Variants in STAB1 observed in about 807,000 individuals in gnomAD.
The protein encoded by STAB1 is stabilin 1, also known as stabilin-1.
A neutral mutation model predicts 332.4 loss-of-function variants in STAB1; 250 were observed. The observed-to-expected ratio is 0.75, with a 90% confidence interval of 0.68 to 0.84. The LOEUF (loss-of-function observed/expected upper bound fraction) is 0.84, where lower values mean the gene tolerates loss of function less well. Among genes scored for constraint, STAB1 ranks in the 40% least tolerant of loss-of-function variants. STAB1 has a pLI of 0.00. For synonymous variants in STAB1, 1,475 were observed against 1,390.4 expected (o/e 1.06, Z -1.35); for missense variants, 3,249 against 3,489.7 (o/e 0.93, Z 1.74).
intron 33 of STAB1, 55 bp downstream of exon 33, chr3:52,514,268 C>A (rs1316194932): frequency 6.2e-7 from 1 of 1,602,576 alleles, no homozygotes; most frequent in Non-Finnish European, 8.5e-7. Flanking sequence ...AGAGGGCGAG[C>A]CTCCAATCCC....
chr3:52,509,771 C>A, intron 22 of STAB1, 99 bp from the exon 23 acceptor site: 1 of 1,333,496 alleles, frequency 7.5e-7, no homozygotes, highest in Non-Finnish European at 1.1e-6. Context: ...CAAATCTGTA[C>A]TGGCTGCCCC....
rs148108978 is a variant in STAB1, at chr3:52,519,534, C to T, written c.5205C>T (p.Phe1735=). 176 of 1,613,352 alleles carry T rather than the reference C, an allele frequency of 1.1e-4. No individual in the cohort carries two copies. The African/African-American group carries it at 2.1e-3, about 19-fold the overall frequency. The change falls in exon 50 of 69, where the codon TTC becomes TTT. Residue 1735 remains phenylalanine (F), a synonymous_variant. Coordinates refer to ENST00000321725, the MANE Select transcript of STAB1 (RefSeq NM_015136.3). ...RRNVTAAAQG[F]GYKIFSGLLK... is the part of the protein sequence containing the mutation. ...ATGTCACCGCCGCCGCCCAGGGCTT[C>T]GGTTACAAGATCTTCAGCGGCCTCC... is the stretch of plus-strand genomic sequence containing the variant.
intron 7 of STAB1, 44 bp downstream of exon 7, chr3:52,503,153 C>T (rs769183826): frequency 3.3e-6 from 3 of 899,844 alleles, no homozygotes; most frequent in African/African-American, 1.7e-5. Context: ...TCAGGGCGGG[C>T]GGGGGCTGGG....
chr3:52,521,461 G>T lies in STAB1; in HGVS notation c.6009G>T (p.Gly2003=). 3 of 1,614,044 alleles carry T rather than the reference G, an allele frequency of 1.9e-6. No homozygotes were observed. Among genetic ancestry groups the T allele is most frequent in the Non-Finnish European group, 2.5e-6 (3 of 1,180,026 alleles). ...GTCTGTGCCGTTCAGGTTTTGCTGG[G>T]ACAGCCTGTGAACTCTGTGCTCCTG... is the stretch of plus-strand genomic sequence containing the variant. ...GQCLCRSGFA[G]TACELCAPGA... Residue 2003 remains glycine, a synonymous_variant, in exon 56 of 69, where the codon GGG becomes GGT. Coordinates refer to ENST00000321725, the MANE Select transcript of STAB1 (RefSeq NM_015136.3).
At chr3:52,498,562 A>G (rs1363294117) in intron 1 of STAB1, among the ~76,000 whole-genome samples, 1 of 152,204 alleles carries the variant, frequency 6.6e-6, no homozygotes, top group African/African-American at 2.4e-5. Flanking sequence ...CCAGGCCCCA[A>G]AGCTCCCGCT....
intron 12 of STAB1, 44 bp from the exon 13 acceptor site, chr3:52,504,959 G>A: frequency 6.2e-7 from 1 of 1,612,628 alleles, no homozygotes; most frequent in Non-Finnish European, 8.5e-7. Context: ...TCCGGACAGG[G>A]GGCTGGCATA....
intron 22 of STAB1, 130 bp downstream of exon 22, chr3:52,509,451 T>C: frequency 1.3e-6 from 1 of 791,030 alleles, no homozygotes; most frequent in East Asian, 2.7e-5. Context: ...TGGAGGAAGA[T>C]TTGCCTAAAA....
Position 52,508,341 on chromosome 3 carries a change from C to T in STAB1, c.2217C>T (p.Pro739=). The part of the protein sequence containing the change: ...CTQCPGGFSN[P]CYGKGNCSDG... ...AGTGTCCTGGGGGCTTCTCCAACCCCTGCTATGGCAAAGGCAATGTGAGTC... is the reference window on the plus strand; with the variant it reads ...AGTGTCCTGGGGGCTTCTCCAACCCTTGCTATGGCAAAGGCAATGTGAGTC... Residue 739 remains proline, a synonymous_variant, in exon 21 of 69, where the codon CCC becomes CCT. Coordinates refer to ENST00000321725, the MANE Select transcript of STAB1 (RefSeq NM_015136.3). The T allele has an allele frequency of 6.2e-7, 1 of 1,613,882 alleles. No homozygotes were observed. The highest frequency in any genetic ancestry group is 8.5e-7 in the Non-Finnish European group (1 of 1,179,994).
intron 48 of STAB1, 65 bp downstream of exon 48, chr3:52,518,934 C>T (rs2078975973): frequency 1.4e-6 from 2 of 1,444,720 alleles, no homozygotes; most frequent in East Asian, 2.5e-5. Flanking sequence ...CGCCATTGCC[C>T]CAGGCCCCAC....
chr3:52,502,798 G>A (rs1708550585), intron 6 of STAB1, 71 bp downstream of exon 6: 21 of 1,514,294 alleles, frequency 1.4e-5, no homozygotes, highest in South Asian at 4.6e-5. Flanking sequence ...CCGACTGGGT[G>A]AGGATGGGGC....
intron 1 of STAB1, among the ~76,000 whole-genome samples, chr3:52,499,680 A>G (rs1708293315): frequency 6.6e-6 from 1 of 150,460 alleles, no homozygotes; most frequent in Non-Finnish European, 1.5e-5. Flanking sequence ...CGGGCGGATC[A>G]CGAGGTCAGG....
rs985775328 is a variant in STAB1 at position 52,507,961 on chromosome 3, C to T, written c.2083C>T (p.His695Tyr). 3 of 1,613,578 alleles carry T rather than the reference C, an allele frequency of 1.9e-6. No homozygotes were observed. The highest frequency in any genetic ancestry group is 2.2e-5 in the East Asian group (1 of 44,896). Residue 695 changes from histidine to tyrosine, a missense_variant, in exon 20 of 69, where the codon CAT becomes TAT. Coordinates refer to ENST00000321725, the MANE Select transcript of STAB1 (RefSeq NM_015136.3). ...CTTCCCCAAGGAGTGTGTCTACATC[C>T]ATGACCCAACGGGGCTCAATGTGCT... ...DIFPKECVYI[H>Y]DPTGLNVLKK...
chr3:52,515,246 G>C (rs899012924), intron 36 of STAB1, among the ~76,000 whole-genome samples, 177 bp from the exon 37 acceptor site: 5 of 152,132 alleles, frequency 3.3e-5, no homozygotes, highest in Non-Finnish European at 5.9e-5. Flanking sequence ...CTTGCGGCCC[G>C]AGGCTTGGAT....
In STAB1 at chr3:52,516,781, G is replaced by A. The variant is rs773079833; in HGVS notation, c.4363+13G>A. On this transcript the variant is annotated intron_variant, in intron 41 of 68. Coordinates refer to ENST00000321725, the MANE Select transcript of STAB1 (RefSeq NM_015136.3). ...ATCTTCTGTTCAGGTCCAGCCACACGGATGCCCAGGGCCCTCCCTGAAATT... is the reference window on the plus strand; with the variant it reads ...ATCTTCTGTTCAGGTCCAGCCACACAGATGCCCAGGGCCCTCCCTGAAATT... The A allele has an allele frequency of 4.4e-6, 7 of 1,602,944 alleles. No homozygotes were observed. Among genetic ancestry groups the A allele is most frequent in the South Asian group, 2.2e-5 (2 of 89,818 alleles).
Position 52,502,625 on chromosome 3 carries a change from C to T in STAB1, c.488-7C>T, listed in dbSNP as rs765609885. 3.1e-6 allele frequency: 5 copies of T among 1,607,880 alleles called. No individual in the cohort carries two copies. The highest frequency in any genetic ancestry group is 2.2e-5 in the South Asian group (2 of 90,992). ...GGGCCCCATCTGTCTCTGTGTGTCC[C>T]TCCCAGTGTGCAGCTGTGTGCACGG... On this transcript the variant is annotated splice_polypyrimidine_tract_variant and splice_region_variant and intron_variant, in intron 5 of 68. Transcript: ENST00000321725.
intron 54 of STAB1, 26 bp downstream of exon 54, chr3:52,520,724 G>T: frequency 6.2e-7 from 1 of 1,611,116 alleles, no homozygotes. Context: ...CTGAGTGGGG[G>T]TGGTGGGGTG....
At chr3:52,513,569 G>A in intron 30 of STAB1, 148 bp from the exon 31 acceptor site, 1 of 794,792 alleles carries the variant, frequency 1.3e-6, no homozygotes, top group South Asian at 1.7e-5. Flanking sequence ...GCTCCTGGGA[G>A]GAGCTTCTGT....
At chr3:52,518,393 A>G in intron 46 of STAB1, 34 bp downstream of exon 46, 1 of 1,607,142 alleles carries the variant, frequency 6.2e-7, no homozygotes, top group Middle Eastern at 1.7e-4. Context: ...GTGACCTGCA[A>G]GTCCCACCCC....
At chr3:52,504,265 G>A in intron 10 of STAB1, 110 bp downstream of exon 10, 9 of 1,495,752 alleles carry the variant, frequency 6.0e-6, no homozygotes, top group Non-Finnish European at 8.1e-6. Context: ...AGGGCTGTGG[G>A]AACAAACAGG....
Sources: gnomAD v4.1 joint callset for allele counts (sites outside exome capture counted in the v4.1 genomes callset) on GRCh38, gnomAD v4.1.1 for gene constraint, MANE v1.5 for transcripts, NCBI Gene and HGNC (gene_info 2026-07-23, HGNC 2026-07-21) for gene names.